Variants in CELF4 observed in about 807,000 individuals in gnomAD.
CELF4 encodes the protein CUGBP Elav-like family member 4, also known as CUG-BP- and ETR-3-like factor 4.
CELF4 carries 18 observed loss-of-function variants against 59.9 expected under a neutral mutation model. The ratio of observed to expected loss-of-function variants is 0.30; its 90% CI spans 0.21 to 0.45. The LOEUF is 0.45. Ranked by LOEUF, CELF4 falls within the 20% of genes least tolerant of loss-of-function variation. CELF4 has a pLI of 1.00. For synonymous variants in CELF4, 261 were observed against 267.1 expected, an observed-to-expected ratio of 0.98 and a Z score of 0.22; for missense variants, 456 against 689.0, an observed-to-expected ratio of 0.66 and a Z score of 3.79.
chr18:37,541,043 C>A (rs1035849312), intron 1 of CELF4, among the ~76,000 whole-genome samples: 1 of 152,110 alleles, frequency 6.6e-6, no homozygotes, highest in Non-Finnish European at 1.5e-5. Context: ...AATTGATGCT[C>A]AGTCCACACT....
At chr18:37,441,921 C>T (rs8093811) in intron 2 of CELF4, among the ~76,000 whole-genome samples, 3 of 151,408 alleles carry the variant, frequency 2.0e-5, no homozygotes, top group Admixed American at 6.6e-5. Flanking sequence ...TGACACGGTG[C>T]GTCACCGAAA....
At position 37,253,991 on chromosome 18, in the gene CELF4, G is replaced by C; in HGVS notation, c.1334-53C>G. ...GGGTTTCCACGGGGCCGCCCGGGGC[G>C]CTGCCGGCGGGGAGGGGTCGGGGGA... On this transcript the variant is annotated intron_variant, in intron 11 of 12. Transcript: ENST00000420428. This position sits in a 1 kb window ranked among gnomAD's most constrained non-coding sequence, Gnocchi z 4.5. 1.8e-5 allele frequency: 27 copies of C among 1,497,960 alleles called. No individual in the cohort carries two copies. Among genetic ancestry groups the C allele is most frequent in the Non-Finnish European group, 2.4e-5 (27 of 1,115,102 alleles). 92.8% of individuals were successfully genotyped at this position (1,497,960 alleles called of 1,614,324 possible). A position where few individuals can be genotyped will look rare whatever the true frequency, so the allele number is the denominator to read the frequency against.
intron 1 of CELF4, among the ~76,000 whole-genome samples, chr18:37,486,536 C>G (rs894746985): frequency 6.6e-6 from 1 of 152,206 alleles, no homozygotes; most frequent in Non-Finnish European, 1.5e-5. Flanking sequence ...CATAAGCTGT[C>G]CAGCATGCCC....
chr18:37,418,742 G>C (rs955728849), intron 2 of CELF4, among the ~76,000 whole-genome samples: 5 of 152,230 alleles, frequency 3.3e-5, no homozygotes, highest in African/African-American at 9.6e-5. Context: ...TGTCAGACAG[G>C]AGGAAGATCA....
At chr18:37,394,279 C>A (rs150237847) in intron 2 of CELF4, among the ~76,000 whole-genome samples, 1,679 of 152,294 alleles carry the variant, frequency 0.011, 19 homozygotes, top group Middle Eastern at 0.048. Context: ...GGGAGAGGGA[C>A]GCGGGGCGGG....
intron 3 of CELF4, among the ~76,000 whole-genome samples, chr18:37,284,603 G>A (rs1602592100): frequency 6.6e-6 from 1 of 152,076 alleles, no homozygotes; most frequent in African/African-American, 2.4e-5. Context: ...AACCCCTGCC[G>A]CCCCAGCCAG....
In CELF4 at chr18:37,565,642, A is replaced by G. The variant is rs2099987978; in HGVS notation, c.-1T>C. 1.9e-6 allele frequency: 3 copies of G among 1,577,922 alleles called. No homozygotes were observed. The highest frequency in any genetic ancestry group is 2.6e-6 in the Non-Finnish European group (3 of 1,161,310). ...CTAACGTGGCCATCTTTATATACAT[A>G]GAGAAAATCTTCTTTCCTTTTATTC... On this transcript the variant is annotated 5_prime_UTR_variant, in exon 1 of 13. Coordinates refer to ENST00000420428, the MANE Select transcript of CELF4 (RefSeq NM_020180.4).
chr18:37,403,964 G>C (rs184618946), intron 2 of CELF4, among the ~76,000 whole-genome samples: 2 of 152,246 alleles, frequency 1.3e-5, no homozygotes, highest in African/African-American at 4.8e-5. Context: ...CTTTGGCATG[G>C]CTTTGCCCCC....
chr18:37,274,541 C>G lies in CELF4; in HGVS notation c.658-87G>C, dbSNP rs751943260. 22 of 1,598,438 alleles carry G rather than the reference C, an allele frequency of 1.4e-5. No homozygotes were observed. In the Middle Eastern group the frequency reaches 1.6e-3, roughly 120 times the overall value. On this transcript the variant is annotated intron_variant, in intron 5 of 12. Coordinates refer to ENST00000420428, the MANE Select transcript of CELF4 (RefSeq NM_020180.4). ...GCCTCTGGCCTGCGCCCACCCCGCC[C>G]GCTCCTCGGGGCGCTTTGGAGGAGG...
At chr18:37,342,858 C>G (rs1490905429) in intron 2 of CELF4, among the ~76,000 whole-genome samples, 1 of 152,238 alleles carries the variant, frequency 6.6e-6, no homozygotes, top group Non-Finnish European at 1.5e-5. Flanking sequence ...CCCTGGGTTG[C>G]AGCGTGAAGG....
At chr18:37,564,904 A>G (rs1454536597) in intron 1 of CELF4, among the ~76,000 whole-genome samples, 1 of 152,088 alleles carries the variant, frequency 6.6e-6, no homozygotes. Flanking sequence ...AGCCCGGAGC[A>G]AAGGATGAGG....
chr18:37,549,978 C>T (rs2099982626), intron 1 of CELF4, among the ~76,000 whole-genome samples: 1 of 149,818 alleles, frequency 6.7e-6, no homozygotes, highest in African/African-American at 2.5e-5. Context: ...GCATTCGAAA[C>T]ACAAGCCCCA....
intron 3 of CELF4, among the ~76,000 whole-genome samples, chr18:37,294,106 T>C (rs1399573131): frequency 6.6e-6 from 1 of 152,156 alleles, no homozygotes; most frequent in Non-Finnish European, 1.5e-5. Context: ...TGAATATCTG[T>C]ACTTCCACTG....
chr18:37,374,414 T>C (rs2098941144), intron 2 of CELF4, among the ~76,000 whole-genome samples: 2 of 152,150 alleles, frequency 1.3e-5, no homozygotes, highest in African/African-American at 4.8e-5. Flanking sequence ...GGCTGGAACA[T>C]CCATATTCCC....
chr18:37,282,412 T>C (rs1602410241), intron 3 of CELF4, among the ~76,000 whole-genome samples: 1 of 152,198 alleles, frequency 6.6e-6, no homozygotes, highest in Admixed American at 6.5e-5. Context: ...GGCATTTCCA[T>C]GAATTCTCCC....
chr18:37,367,939 C>G (rs1177966789), intron 2 of CELF4, among the ~76,000 whole-genome samples: 1 of 152,092 alleles, frequency 6.6e-6, no homozygotes, highest in Non-Finnish European at 1.5e-5. Context: ...CACACCCAGC[C>G]CATCTTCCAG....
intron 1 of CELF4, among the ~76,000 whole-genome samples, chr18:37,513,941 CGTGTGTGTGT>C (rs5824070): frequency 0.069 from 10,026 of 144,318 alleles, 473 homozygotes; most frequent in Non-Finnish European, 0.093. Flanking sequence ...TGTGTGGTGC[CGTGTGTGTGT>C]GTGTGTGTGT....
chr18:37,551,742 T>C (rs114595826), intron 1 of CELF4, among the ~76,000 whole-genome samples: 337 of 152,214 alleles, frequency 2.2e-3, no homozygotes, highest in African/African-American at 7.0e-3. Context: ...TGGGCTGCAA[T>C]TGGGACAGCT....
intron 2 of CELF4, among the ~76,000 whole-genome samples, chr18:37,331,730 T>C (rs943749053): frequency 1.5e-5 from 1 of 68,800 alleles, no homozygotes; most frequent in Non-Finnish European, 2.7e-5. Context: ...AGCAAATTCA[T>C]GGGGTGGGCA....
Sources: gnomAD v4.1 joint callset for allele counts (sites outside exome capture counted in the v4.1 genomes callset) on GRCh38, gnomAD v4.1.1 for gene constraint, Gnocchi (gnomAD v3.1) non-coding constraint, MANE v1.5 for transcripts, NCBI Gene and HGNC (gene_info 2026-07-23, HGNC 2026-07-21) for gene names.